KIF5A: variants seen among roughly 807,000 people sequenced by gnomAD.
KIF5A encodes kinesin heavy chain isoform 5A.
A neutral mutation model predicts 141.3 loss-of-function variants in KIF5A; 35 were observed. The observed-to-expected ratio is 0.25, with a 90% CI of 0.19 to 0.33. The LOEUF is 0.33. Ranked by LOEUF, KIF5A falls within the 10% of genes least tolerant of loss-of-function variation. The probability of loss-of-function intolerance (pLI) is 1.00; values close to 1 mark genes in which losing one functional copy is unlikely to be tolerated. For synonymous variants in KIF5A, 448 were observed against 500.2 expected (o/e 0.90, Z 1.39); for missense variants, 861 against 1,314.3 (o/e 0.66, Z 5.33).
rs374108741 is a variant in KIF5A, at chr12:57,570,169, G to A, written c.1293+7G>A. On this transcript the variant is annotated splice_region_variant and intron_variant, in intron 12 of 28. Coordinates refer to ENST00000455537, the MANE Select transcript of KIF5A (RefSeq NM_004984.4). ...TAAGCAGCTTGACGACAAGGTGAGG[G>A]CGGCCAGGCAGGGCACTGAGGCACG... is the stretch of plus-strand genomic sequence containing the variant. The A allele has an allele frequency of 2.5e-6, 4 of 1,612,986 alleles. No individual in the cohort carries two copies. The highest frequency in any genetic ancestry group is 3.4e-6 in the Non-Finnish European group (4 of 1,179,844).
rs1392143169 is a variant in KIF5A at position 57,566,897 on chromosome 12, G to A, written c.502-229G>A. Among the ~76,000 whole-genome samples the A allele has an allele frequency of 3.3e-5, 5 of 151,686 alleles. No homozygotes were observed. The East Asian group carries it at 7.9e-4, about 24-fold the overall frequency. ...TCTACTAAAAATACAAAAATTAGCC[G>A]GGCGTGTTGGCTCATGCCTGTAATC... is the stretch of plus-strand genomic sequence containing the variant. On this transcript the variant is annotated intron_variant, in intron 6 of 28. Coordinates refer to ENST00000455537, the MANE Select transcript of KIF5A (RefSeq NM_004984.4).
chr12:57,582,890 A>T lies in KIF5A; in HGVS notation c.3021-211A>T, dbSNP rs578212477. 2.8e-5 allele frequency: 18 copies of T among 642,278 alleles called. No individual in the cohort carries two copies. In the South Asian group the frequency reaches 3.1e-4, roughly 11 times the overall value. 39.8% of individuals were successfully genotyped at this position (642,278 alleles called of 1,614,324 possible). On this transcript the variant is annotated intron_variant, in intron 27 of 28. Coordinates refer to ENST00000455537, the MANE Select transcript of KIF5A (RefSeq NM_004984.4). Reference sequence around the variant, plus strand: ...TGGACGAAAACAACGTGGGCATCTGACGACTGGGTTTCTCTCCTACCTTTG... The same window carrying T: ...TGGACGAAAACAACGTGGGCATCTGTCGACTGGGTTTCTCTCCTACCTTTG...
intron 25 of KIF5A, 41 bp downstream of exon 25, chr12:57,581,609 T>A: frequency 6.2e-7 from 1 of 1,608,990 alleles, no homozygotes. Context: ...CACCCAAAGC[T>A]CCCTGGACCC....
chr12:57,560,300 G>A (rs1270770312), intron 1 of KIF5A, among the ~76,000 whole-genome samples: 1 of 152,088 alleles, frequency 6.6e-6, no homozygotes, highest in Non-Finnish European at 1.5e-5. Context: ...CCTTTAAGTC[G>A]TCTTCAATTT....
intron 23 of KIF5A, among the ~76,000 whole-genome samples, chr12:57,579,077 T>A (rs1594924658): frequency 6.6e-6 from 1 of 151,678 alleles, no homozygotes; most frequent in South Asian, 2.1e-4. Context: ...TAAAAAAAAA[T>A]GATGTCCCTA....
At chr12:57,575,380 C>G in intron 16 of KIF5A, 108 bp downstream of exon 16, 1 of 1,256,978 alleles carries the variant, frequency 8.0e-7, no homozygotes, top group Non-Finnish European at 1.1e-6. Flanking sequence ...GTTCTGGGGT[C>G]AAGTGAAATC....
chr12:57,558,581 G>A (rs1388816950), intron 1 of KIF5A, among the ~76,000 whole-genome samples: 2 of 152,230 alleles, frequency 1.3e-5, no homozygotes, highest in East Asian at 3.9e-4. Flanking sequence ...GGCTGAAGCA[G>A]GAGAACTGCT....
intron 6 of KIF5A, among the ~76,000 whole-genome samples, chr12:57,565,991 C>T (rs979633511): frequency 6.6e-6 from 1 of 151,564 alleles, no homozygotes; most frequent in African/African-American, 2.4e-5. Context: ...CCCAGCTACT[C>T]AGGAGGCTGA....
rs756975945 is a variant in KIF5A, at chr12:57,572,778, G to T, written c.1716+52G>T. 5 of 1,605,670 alleles carry T rather than the reference G, an allele frequency of 3.1e-6. No homozygotes were observed. The highest frequency in any genetic ancestry group is 3.3e-5 in the Admixed American group (2 of 60,006). Reference sequence around the variant, plus strand: ...TTCAGGCTGGGCACTAGTGGAAGACGCAAGATGAGCCATCCAGGCCTTCAC... The same window carrying T: ...TTCAGGCTGGGCACTAGTGGAAGACTCAAGATGAGCCATCCAGGCCTTCAC... On this transcript the variant is annotated intron_variant, in intron 15 of 28. Transcript: ENST00000455537. This position sits in a 1 kb window ranked among gnomAD's most constrained non-coding sequence, Gnocchi z 4.2.
intron 25 of KIF5A, 62 bp from the exon 26 acceptor site, chr12:57,581,808 G>A: frequency 3.5e-6 from 5 of 1,443,664 alleles, no homozygotes; most frequent in South Asian, 1.1e-5. Flanking sequence ...GTGTGGATTA[G>A]TGGTCCTCAG....
chr12:57,567,307 C>T (rs2140161369), intron 7 of KIF5A, 94 bp downstream of exon 7: 2 of 1,245,592 alleles, frequency 1.6e-6, no homozygotes, highest in Non-Finnish European at 2.3e-6. Flanking sequence ...AGCAAGGAAA[C>T]TGTACCCCCC....
At position 57,582,762 on chromosome 12, in the gene KIF5A, C is replaced by T. The variant is rs1391873908; in HGVS notation, c.3020+133C>T. 3 of 799,874 alleles carry T rather than the reference C, an allele frequency of 3.8e-6. No individual in the cohort carries two copies. In the East Asian group the frequency reaches 7.3e-5, roughly 19 times the overall value. 49.5% of individuals were successfully genotyped at this position (799,874 alleles called of 1,614,324 possible). ...AGGGAGTGAGACTCATTCTTTTCATCACTGTGTTGTCCAGGAGATCCAGTC... is the reference window on the plus strand; with the variant it reads ...AGGGAGTGAGACTCATTCTTTTCATTACTGTGTTGTCCAGGAGATCCAGTC... On this transcript the variant is annotated intron_variant, in intron 27 of 28. Coordinates refer to ENST00000455537, the MANE Select transcript of KIF5A (RefSeq NM_004984.4).
Position 57,570,066 on chromosome 12 carries a change from G to A in KIF5A, c.1197G>A (p.Val399=), listed in dbSNP as rs1297872839. The change falls in exon 12 of 29, where the codon GTG becomes GTA. Residue 399 remains valine (V), a synonymous_variant. Coordinates refer to ENST00000455537, the MANE Select transcript of KIF5A (RefSeq NM_004984.4). ...LGAELCEETP[V]NDNSSIVVRI... is the part of the protein sequence containing the mutation. ...CCGAGCTCTGTGAGGAGACCCCTGT[G>A]AATGACAACTCATCCATCGTGGTGC... The A allele has an allele frequency of 2.5e-6, 4 of 1,614,232 alleles. No individual in the cohort carries two copies. The African/African-American group carries it at 4.0e-5, about 16-fold the overall frequency.
At chr12:57,559,924 C>G (rs1881859085) in intron 1 of KIF5A, among the ~76,000 whole-genome samples, 1 of 152,154 alleles carries the variant, frequency 6.6e-6, no homozygotes, top group African/African-American at 2.4e-5. Flanking sequence ...CAGAGTTGCA[C>G]TTTGCTGCTC....
chr12:57,550,093 C>A lies in KIF5A; in HGVS notation c.-179C>A. On this transcript the variant is annotated 5_prime_UTR_variant, in exon 1 of 29. Coordinates refer to ENST00000455537, the MANE Select transcript of KIF5A (RefSeq NM_004984.4). This position sits in a 1 kb window ranked among gnomAD's most constrained non-coding sequence, Gnocchi z 4.6. ...CCAGGTCGCCCGCATCCCGCTGCCGCAGGAGAGAGACAGCGCGCCCCGGCC... is the reference window on the plus strand; with the variant it reads ...CCAGGTCGCCCGCATCCCGCTGCCGAAGGAGAGAGACAGCGCGCCCCGGCC... 1 of 755,432 alleles carries A rather than the reference C, an allele frequency of 1.3e-6. No individual in the cohort carries two copies. Among genetic ancestry groups the A allele is most frequent in the South Asian group, 1.6e-5 (1 of 62,632 alleles). 46.8% of individuals were successfully genotyped at this position (755,432 alleles called of 1,614,324 possible). A position where few individuals can be genotyped will look rare whatever the true frequency, so the allele number is the denominator to read the frequency against.
At position 57,564,511 on chromosome 12, in the gene KIF5A, G is replaced by A. The variant is rs1273105322; in HGVS notation, c.445+3G>A. On this transcript the variant is annotated splice_donor_region_variant and intron_variant, in intron 5 of 28. Transcript: ENST00000455537. ...CAAAATTCGTGACCTTCTGGATGGT[G>A]AGTGTTTTGTCCCAGTGGATGAGGG... 6.2e-7 allele frequency: 1 copy of A among 1,609,318 alleles called. No individual in the cohort carries two copies. Among genetic ancestry groups the A allele is most frequent in the East Asian group, 2.2e-5 (1 of 44,832 alleles).
chr12:57,572,901 C>T lies in KIF5A; in HGVS notation c.1716+175C>T, dbSNP rs573844439. 6.6e-6 allele frequency among the ~76,000 whole-genome samples: 1 copy of T among 152,194 alleles called. No homozygotes were observed. The highest frequency in any genetic ancestry group is 1.9e-4 in the East Asian group (1 of 5,178). On this transcript the variant is annotated intron_variant, in intron 15 of 28. Coordinates refer to ENST00000455537, the MANE Select transcript of KIF5A (RefSeq NM_004984.4). This position sits in a 1 kb window ranked among gnomAD's most constrained non-coding sequence, Gnocchi z 4.2. ...TTGTATAGACCCAATTGAAAAGATACATTCTAGGTTGGGCGCAGTGGCTCA... is the reference window on the plus strand; with the variant it reads ...TTGTATAGACCCAATTGAAAAGATATATTCTAGGTTGGGCGCAGTGGCTCA...
chr12:57,561,108 TG>T lies in KIF5A; in HGVS notation c.130-2329del, dbSNP rs1338203985. Reference sequence around the variant, plus strand: ...AGGCTGGAGTGCAGTGGCCCGATCTTGGCTCACTGCAACCTCTGCCTTTTGA... The same window carrying T: ...AGGCTGGAGTGCAGTGGCCCGATCTTGCTCACTGCAACCTCTGCCTTTTGA... On this transcript the variant is annotated intron_variant, in intron 1 of 28. Transcript: ENST00000455537. Among the ~76,000 whole-genome samples, 4 of 152,260 alleles carry T rather than the reference TG, an allele frequency of 2.6e-5. No homozygotes were observed. In the East Asian group the frequency reaches 5.8e-4, roughly 22 times the overall value.
At chr12:57,581,206 C>A in intron 24 of KIF5A, 34 bp downstream of exon 24, 2 of 1,598,362 alleles carry the variant, frequency 1.3e-6, no homozygotes, top group African/African-American at 1.3e-5. Flanking sequence ...GTGGGAGTAT[C>A]TCCTGAAGCA....
Sources: gnomAD v4.1 joint callset for allele counts (sites outside exome capture counted in the v4.1 genomes callset) on GRCh38, gnomAD v4.1.1 for gene constraint, Gnocchi (gnomAD v3.1) non-coding constraint, MANE v1.5 for transcripts, NCBI Gene and HGNC (gene_info 2026-07-23, HGNC 2026-07-21) for gene names.